Variants in TENM1 observed in about 807,000 individuals in gnomAD.
TENM1 encodes the protein teneurin transmembrane protein 1.
TENM1 carries 35 observed loss-of-function variants against 174.8 expected under a neutral mutation model. That is an observed-to-expected ratio of 0.20 (90% confidence interval 0.15 to 0.27). The LOEUF (loss-of-function observed/expected upper bound fraction) is 0.27, where lower values mean the gene tolerates loss of function less well. Ranked by LOEUF, TENM1 falls within the 10% of genes least tolerant of loss-of-function variation. TENM1 has a pLI of 1.00. For missense variants in TENM1, 1,633 were observed against 2,130.1 expected (o/e 0.77, Z 4.59); for synonymous variants, 781 against 798.7 (o/e 0.98, Z 0.37).
At chrX:124,507,570 A>G (rs1224904826) in intron 18 of TENM1, among the ~76,000 whole-genome samples, 2 of 112,008 alleles carry the variant, frequency 1.8e-5, no homozygotes, top group African/African-American at 6.5e-5. Flanking sequence ...TTGCTCCTCC[A>G]AAGCCATTTG....
chrX:124,963,318 G>A (rs1424530899), intron 1 of TENM1, among the ~76,000 whole-genome samples: 3 of 112,418 alleles, frequency 2.7e-5, no homozygotes, highest in Non-Finnish European at 5.6e-5. Flanking sequence ...TCTGATAAGA[G>A]GACTGCAGCA....
chrX:124,426,366 T>A (rs1000650009), intron 23 of TENM1, among the ~76,000 whole-genome samples: 2 of 112,116 alleles, frequency 1.8e-5, no homozygotes, highest in African/African-American at 6.5e-5. Context: ...GAAGGCTTTG[T>A]TTTTCTTGTG....
At chrX:124,857,146 C>G (rs945537146) in intron 3 of TENM1, among the ~76,000 whole-genome samples, 1 of 111,008 alleles carries the variant, frequency 9.0e-6, no homozygotes, top group African/African-American at 3.3e-5. Flanking sequence ...TTCTTAGGAC[C>G]ACAGATATGA....
At chrX:124,533,472 A>G (rs2048147569) in intron 15 of TENM1, among the ~76,000 whole-genome samples, 1 of 110,404 alleles carries the variant, frequency 9.1e-6, no homozygotes, top group African/African-American at 3.3e-5. Flanking sequence ...TGTTTTTCCT[A>G]TTCCCATTAT....
intron 6 of TENM1, among the ~76,000 whole-genome samples, chrX:124,655,658 T>C (rs190994075): frequency 8.9e-6 from 1 of 112,495 alleles, no homozygotes; most frequent in Non-Finnish European, 1.9e-5. Context: ...AATACCTCCA[T>C]TATTGCTTTT....
intron 18 of TENM1, among the ~76,000 whole-genome samples, chrX:124,504,881 A>T (rs922068694): frequency 2.2e-5 from 2 of 91,949 alleles, no homozygotes; most frequent in South Asian, 9.8e-4. Context: ...TTTTAGTCAA[A>T]CTGATTTGTG....
chrX:124,586,182 T>C (rs1369889948), intron 11 of TENM1, among the ~76,000 whole-genome samples: 1 of 110,962 alleles, frequency 9.0e-6, no homozygotes, highest in Non-Finnish European at 1.9e-5. Context: ...CCCTAACTCA[T>C]TTTATGAGGC....
intron 4 of TENM1, among the ~76,000 whole-genome samples, chrX:124,717,564 A>C (rs985300586): frequency 1.8e-5 from 2 of 111,985 alleles, no homozygotes; most frequent in Non-Finnish European, 3.8e-5. Flanking sequence ...ATGAGACATC[A>C]CCTGGTCCCA....
intron 4 of TENM1, among the ~76,000 whole-genome samples, chrX:124,720,476 T>C (rs150483208): frequency 3.2e-3 from 359 of 111,580 alleles, no homozygotes; most frequent in African/African-American, 0.011. Flanking sequence ...AAACCAATGA[T>C]GTAAATCATA....
intron 1 of TENM1, among the ~76,000 whole-genome samples, chrX:124,921,362 A>G (rs193154826): frequency 9.6e-6 from 1 of 104,194 alleles, no homozygotes; most frequent in East Asian, 2.8e-4. Context: ...AAAAATATAT[A>G]CAAACAGACA....
At chrX:124,881,564 G>A (rs2057302585) in intron 3 of TENM1, among the ~76,000 whole-genome samples, 1 of 110,315 alleles carries the variant, frequency 9.1e-6, no homozygotes, top group Non-Finnish European at 1.9e-5. Context: ...TACTAATTTG[G>A]GGTTTAGTAT....
chrX:124,859,485 G>A (rs144549055), intron 3 of TENM1, among the ~76,000 whole-genome samples: 2,259 of 106,340 alleles, frequency 0.021, 56 homozygotes, highest in African/African-American at 0.074. Context: ...CAGAGGTTGC[G>A]GTGAGCCAAG....
the TENM1 span, among the ~76,000 whole-genome samples, chrX:125,096,304 A>C: frequency 1.8e-5 from 2 of 112,342 alleles, no homozygotes; most frequent in East Asian, 5.6e-4. Flanking sequence ...AGTTGTGCTA[A>C]AAAATAAGAC....
rs775837316 is a variant in TENM1 at position 124,800,309 on chromosome X, CT to C, written c.536-63113del. 1.8e-4 allele frequency among the ~76,000 whole-genome samples: 20 copies of C among 111,782 alleles called. No individual in the cohort carries two copies. In the South Asian group the frequency reaches 7.5e-3, roughly 42 times the overall value. On this transcript the variant is annotated intron_variant, in intron 3 of 31. Coordinates refer to ENST00000422452, the Ensembl canonical transcript of TENM1. ...TTTATTAGTCTATTCAGGGATTCAA[CT>C]TCTTCCTGGTTTAGTCTTGGGATGG...
At chrX:124,828,347 G>A (rs1047749366) in intron 3 of TENM1, among the ~76,000 whole-genome samples, 5 of 111,727 alleles carry the variant, frequency 4.5e-5, no homozygotes, top group Admixed American at 1.9e-4. Flanking sequence ...GCACAAGCAC[G>A]GATAATAGCA....
At chrX:124,869,611 G>T (rs908478008) in intron 3 of TENM1, among the ~76,000 whole-genome samples, 1 of 111,177 alleles carries the variant, frequency 9.0e-6, no homozygotes. Flanking sequence ...ATAAAATGTG[G>T]TAATATACAC....
At chrX:124,996,772 A>C in the TENM1 span, among the ~76,000 whole-genome samples, 1 of 111,188 alleles carries the variant, frequency 9.0e-6, no homozygotes, top group Non-Finnish European at 1.9e-5. Flanking sequence ...TAAGCTTAGC[A>C]CTGTGTCAGA....
At chrX:124,543,557 C>T (rs1336765819) in intron 15 of TENM1, among the ~76,000 whole-genome samples, 1 of 112,039 alleles carries the variant, frequency 8.9e-6, no homozygotes, top group Non-Finnish European at 1.9e-5. Flanking sequence ...TTTATAAAAA[C>T]CTTTTACATT....
the TENM1 span, among the ~76,000 whole-genome samples, chrX:125,196,072 T>A: frequency 2.7e-5 from 3 of 109,410 alleles, no homozygotes; most frequent in Non-Finnish European, 5.7e-5. Flanking sequence ...GTGATTTTAT[T>A]GATAATTTAA....
Sources: allele counts gnomAD v4.1 joint callset (sites outside exome capture counted in the v4.1 genomes callset), GRCh38; gene constraint gnomAD v4.1.1; transcripts MANE v1.5; gene names NCBI Gene and HGNC (gene_info 2026-07-23, HGNC 2026-07-21).